The following ATXN7L1 variants were observed in gnomAD, a reference collection of about 807,000 sequenced individuals.
ATXN7L1 encodes the protein ataxin 7 like 1, also known as ataxin-7-like protein 1.
A neutral mutation model predicts 70.8 loss-of-function variants in ATXN7L1; 15 were observed. The ratio of observed to expected loss-of-function variants is 0.21; its 90% CI spans 0.14 to 0.33. ATXN7L1 has a LOEUF of 0.33. ATXN7L1 is among the 10% of genes least tolerant of loss of function. The pLI is 1.00. For missense variants in ATXN7L1, 975 were observed against 1,097.1 expected, an observed-to-expected ratio of 0.89 and a Z score of 1.57; for synonymous variants, 440 against 445.1, an observed-to-expected ratio of 0.99 and a Z score of 0.14.
chr7:105,845,515 C>CTTT (rs61110572), intron 2 of ATXN7L1, among the ~76,000 whole-genome samples: 203 of 138,544 alleles, frequency 1.5e-3, no homozygotes, highest in African/African-American at 4.0e-3. Context: ...AGTACCCAGT[C>CTTT]TTTTTTTTTT....
chr7:105,661,964 T>G (rs1440356619), intron 4 of ATXN7L1, among the ~76,000 whole-genome samples: 1 of 152,214 alleles, frequency 6.6e-6, no homozygotes, highest in East Asian at 1.9e-4. Flanking sequence ...TACAAATCTC[T>G]TGGTTGCTCA....
At chr7:105,839,474 C>T (rs1222074527) in intron 2 of ATXN7L1, among the ~76,000 whole-genome samples, 1 of 152,158 alleles carries the variant, frequency 6.6e-6, no homozygotes. Flanking sequence ...ACCTGATTAG[C>T]ACATATGAGC....
chr7:105,625,873 A>G (rs894633071), intron 7 of ATXN7L1, among the ~76,000 whole-genome samples: 6 of 152,222 alleles, frequency 3.9e-5, no homozygotes, highest in African/African-American at 1.4e-4. Context: ...CTCCACTTTC[A>G]TCAGGTGATT....
chr7:105,740,005 T>C (rs1797826606), intron 3 of ATXN7L1, among the ~76,000 whole-genome samples: 1 of 152,256 alleles, frequency 6.6e-6, no homozygotes, highest in African/African-American at 2.4e-5. Context: ...GTACTTTTCA[T>C]GAAGACTATA....
intron 2 of ATXN7L1, among the ~76,000 whole-genome samples, chr7:105,860,232 AC>A (rs1816416167): frequency 1.3e-5 from 2 of 149,232 alleles, no homozygotes; most frequent in South Asian, 4.3e-4. Context: ...CGTTATTTCA[AC>A]CTTTTTATAC....
chr7:105,814,320 G>A (rs1457012039), intron 2 of ATXN7L1, among the ~76,000 whole-genome samples: 2 of 152,180 alleles, frequency 1.3e-5, no homozygotes, highest in Non-Finnish European at 1.5e-5. Context: ...TCTTTGCCCC[G>A]CCTCCTGCCA....
rs1035835737 is a variant in ATXN7L1, at chr7:105,625,594, G to T, written c.1203-1327C>A. On this transcript the variant is annotated intron_variant, in intron 7 of 11. Transcript: ENST00000419735. ...AGCCCTTTTACGCACTGTGGGGCAT[G>T]ATTGGCTCATAGTAGGTGCTAAAGA... Among the ~76,000 whole-genome samples the T allele has an allele frequency of 3.9e-5, 6 of 152,312 alleles. No homozygotes were observed. In the East Asian group the frequency reaches 1.2e-3, roughly 29 times the overall value.
intron 3 of ATXN7L1, among the ~76,000 whole-genome samples, chr7:105,727,764 A>G (rs1192716497): frequency 1.1e-4 from 10 of 92,880 alleles, no homozygotes; most frequent in Middle Eastern, 4.4e-3. Flanking sequence ...ATATATATAT[A>G]TATATATATA....
At chr7:105,760,081 GT>G in intron 3 of ATXN7L1, 1 of 577,016 alleles carries the variant, frequency 1.7e-6, no homozygotes, top group Non-Finnish European at 2.2e-6. Flanking sequence ...CTTCTGGGAA[GT>G]CTCTCCTTTT....
At chr7:105,751,774 T>C (rs1237165070) in intron 3 of ATXN7L1, among the ~76,000 whole-genome samples, 1 of 152,248 alleles carries the variant, frequency 6.6e-6, no homozygotes, top group African/African-American at 2.4e-5. Context: ...AGACTACTCA[T>C]CTACCAAGGA....
chr7:105,817,533 T>C (rs952460628), intron 2 of ATXN7L1, among the ~76,000 whole-genome samples: 2 of 152,190 alleles, frequency 1.3e-5, no homozygotes, highest in African/African-American at 2.4e-5. Flanking sequence ...ATATTACGTG[T>C]GACTATTGAA....
chr7:105,668,413 T>C (rs1802988805), intron 3 of ATXN7L1, among the ~76,000 whole-genome samples: 1 of 152,080 alleles, frequency 6.6e-6, no homozygotes, highest in South Asian at 2.1e-4. Context: ...AATATGATCT[T>C]TTGAGACAGA....
intron 2 of ATXN7L1, among the ~76,000 whole-genome samples, chr7:105,827,247 C>T (rs1353917316): frequency 6.6e-6 from 1 of 152,194 alleles, no homozygotes; most frequent in Non-Finnish European, 1.5e-5. Context: ...AAACAAACAG[C>T]AAACTTCCTT....
chr7:105,674,393 C>T (rs1437992016), intron 3 of ATXN7L1, among the ~76,000 whole-genome samples: 1 of 152,224 alleles, frequency 6.6e-6, no homozygotes, highest in African/African-American at 2.4e-5. Flanking sequence ...TTTCACTCAC[C>T]AGCTCATCTA....
At chr7:105,827,561 G>C (rs1247099706) in intron 2 of ATXN7L1, among the ~76,000 whole-genome samples, 1 of 152,154 alleles carries the variant, frequency 6.6e-6, no homozygotes, top group East Asian at 1.9e-4. Flanking sequence ...GTATTTGTGA[G>C]ACATGAAACT....
At position 105,867,552 on chromosome 7, in the gene ATXN7L1, T is replaced by C. The variant is rs544991133; in HGVS notation, c.250+8260A>G. On this transcript the variant is annotated intron_variant, in intron 2 of 11. Coordinates refer to ENST00000419735, the MANE Select transcript of ATXN7L1 (RefSeq NM_020725.2). The stretch of plus-strand genomic sequence containing the variant: ...GACTCCAAGGTTTGGAAGAGTCATC[T>C]TGGGAACTTTGGGAGGAGGGTTCCC... Among the ~76,000 whole-genome samples, 35 of 152,306 alleles carry C rather than the reference T, an allele frequency of 2.3e-4. No individual in the cohort carries two copies. In the South Asian group the frequency reaches 2.9e-3, roughly 13 times the overall value.
chr7:105,694,019 A>C (rs1791383590), intron 3 of ATXN7L1, among the ~76,000 whole-genome samples: 2 of 150,858 alleles, frequency 1.3e-5, no homozygotes. Flanking sequence ...GCAGCAAGAG[A>C]GAAGTTTCAG....
intron 3 of ATXN7L1, chr7:105,678,092 CTTTT>C (rs66850827): frequency 5.2e-4 from 272 of 520,038 alleles, no homozygotes; most frequent in South Asian, 7.7e-4. Flanking sequence ...CAGACACATA[CTTTT>C]TTTTTTTTTT....
chr7:105,645,997 T>G, intron 4 of ATXN7L1, among the ~76,000 whole-genome samples: 1 of 145,862 alleles, frequency 6.9e-6, no homozygotes, highest in Non-Finnish European at 1.5e-5. Context: ...ACAGAGCGAG[T>G]CTCTGTCTCA....
Sources: gnomAD v4.1 joint callset for allele counts (sites outside exome capture counted in the v4.1 genomes callset) on GRCh38, gnomAD v4.1.1 for gene constraint, MANE v1.5 for transcripts, NCBI Gene and HGNC (gene_info 2026-07-23, HGNC 2026-07-21) for gene names.